EXOC6B: variants seen among roughly 807,000 people sequenced by gnomAD.
The protein encoded by EXOC6B is SEC15 homolog B.
In EXOC6B, 54 loss-of-function variants were observed where a neutral mutation model predicts 113.5. That is an observed-to-expected ratio of 0.48 (90% CI 0.38 to 0.60). The LOEUF is 0.60. Ranked by LOEUF, EXOC6B falls within the 20% of genes least tolerant of loss-of-function variation. The pLI is 0.00. For synonymous variants in EXOC6B, 357 were observed against 339.0 expected, an observed-to-expected ratio of 1.05 and a Z score of -0.58; for missense variants, 797 against 977.5, an observed-to-expected ratio of 0.82 and a Z score of 2.46.
chr2:72,225,513 G>T (rs1405835633), intron 20 of EXOC6B, among the ~76,000 whole-genome samples: 2 of 152,132 alleles, frequency 1.3e-5, no homozygotes, highest in African/African-American at 2.4e-5. Context: ...GGACAGGGAG[G>T]ATCCGAGGCT....
chr2:72,727,890 A>C (rs1680401170), intron 5 of EXOC6B, among the ~76,000 whole-genome samples: 1 of 152,194 alleles, frequency 6.6e-6, no homozygotes, highest in Non-Finnish European at 1.5e-5. Context: ...TCCAAAGTAT[A>C]TAATTCCTAT....
chr2:72,728,469 T>A (rs1428332786), intron 5 of EXOC6B, among the ~76,000 whole-genome samples: 1 of 152,202 alleles, frequency 6.6e-6, no homozygotes, highest in African/African-American at 2.4e-5. Context: ...ATACCAAATG[T>A]CCCTAATAGT....
chr2:72,197,676 C>T (rs958537340), intron 20 of EXOC6B, among the ~76,000 whole-genome samples: 3 of 152,014 alleles, frequency 2.0e-5, no homozygotes, highest in Non-Finnish European at 4.4e-5. Context: ...TGGCCACTGT[C>T]TCAGGTCGGA....
At chr2:72,674,864 T>C (rs952969834) in intron 6 of EXOC6B, among the ~76,000 whole-genome samples, 1 of 151,992 alleles carries the variant, frequency 6.6e-6, no homozygotes, top group African/African-American at 2.4e-5. Flanking sequence ...AACAGATAAA[T>C]AGTGATTATC....
chr2:72,685,832 T>A (rs966496953), intron 6 of EXOC6B, among the ~76,000 whole-genome samples: 12 of 152,226 alleles, frequency 7.9e-5, no homozygotes, highest in African/African-American at 2.9e-4. Context: ...CATGTTTTGC[T>A]TTTTGAGACA....
intron 1 of EXOC6B, among the ~76,000 whole-genome samples, 160 bp from the exon 2 acceptor site, chr2:72,741,629 G>C (rs544522197): frequency 6.6e-6 from 1 of 152,064 alleles, no homozygotes; most frequent in African/African-American, 2.4e-5. Context: ...AAGGAAAATC[G>C]AAACTTTTGC....
intron 6 of EXOC6B, among the ~76,000 whole-genome samples, chr2:72,606,468 G>T (rs1558838439): frequency 1.3e-5 from 2 of 151,916 alleles, no homozygotes; most frequent in African/African-American, 4.8e-5. Flanking sequence ...CCAGATATTA[G>T]TGATGGTTCT....
chr2:72,384,508 T>C (rs922056457), intron 18 of EXOC6B, among the ~76,000 whole-genome samples: 1 of 152,080 alleles, frequency 6.6e-6, no homozygotes, highest in African/African-American at 2.4e-5. Flanking sequence ...GTTCTGGAAG[T>C]GCTAGTCACG....
At chr2:72,651,616 C>T (rs1245212608) in intron 6 of EXOC6B, among the ~76,000 whole-genome samples, 1 of 152,170 alleles carries the variant, frequency 6.6e-6, no homozygotes, top group Admixed American at 6.5e-5. Flanking sequence ...CTAAGTAACA[C>T]TTTGTGACTG....
At chr2:72,401,552 T>C (rs1245095622) in intron 18 of EXOC6B, among the ~76,000 whole-genome samples, 1 of 36,044 alleles carries the variant, frequency 2.8e-5, no homozygotes, top group African/African-American at 3.5e-4. Flanking sequence ...TATGTGTATA[T>C]ATATATATAT....
intron 20 of EXOC6B, among the ~76,000 whole-genome samples, chr2:72,326,630 A>G (rs1273536330): frequency 6.6e-6 from 1 of 152,044 alleles, no homozygotes; most frequent in African/African-American, 2.4e-5. Flanking sequence ...CGTCCACATC[A>G]AAAGTTACAG....
intron 20 of EXOC6B, among the ~76,000 whole-genome samples, chr2:72,228,688 C>T (rs1681417026): frequency 6.6e-6 from 1 of 152,108 alleles, no homozygotes; most frequent in African/African-American, 2.4e-5. Flanking sequence ...GGCTTGGTTC[C>T]AAGTCTTTGC....
chr2:72,773,183 G>A (rs1157241016), intron 1 of EXOC6B, among the ~76,000 whole-genome samples: 3 of 134,618 alleles, frequency 2.2e-5, no homozygotes, highest in African/African-American at 8.8e-5. Context: ...CTGGAGTGCA[G>A]TGGTGCAATC....
chr2:72,241,918 A>G (rs1179359128), intron 20 of EXOC6B, among the ~76,000 whole-genome samples: 1 of 152,170 alleles, frequency 6.6e-6, no homozygotes, highest in African/African-American at 2.4e-5. Flanking sequence ...ATCTAAAGAA[A>G]GAGCCTGGCC....
At chr2:72,731,473 GA>G (rs1205075859) in intron 3 of EXOC6B, among the ~76,000 whole-genome samples, 1 of 152,162 alleles carries the variant, frequency 6.6e-6, no homozygotes, top group African/African-American at 2.4e-5. Flanking sequence ...TAGGTAAAAT[GA>G]AGTCCTAAAA....
intron 6 of EXOC6B, among the ~76,000 whole-genome samples, chr2:72,596,010 A>G (rs1200081749): frequency 1.3e-5 from 2 of 152,188 alleles, no homozygotes; most frequent in Non-Finnish European, 2.9e-5. Flanking sequence ...GTGGTGGAAA[A>G]AAGAAAAGGA....
rs554657726 is a variant in EXOC6B at position 72,176,078 on chromosome 2, G to C, written c.*3257C>G. On this transcript the variant is annotated 3_prime_UTR_variant, in exon 22 of 22. Transcript: ENST00000272427. ...ATAAACATGCTCTTTTCACAGAGGA[G>C]CTTTCCCCTAACCATGCGGCCCATC... 1 of 152,328 alleles carries C rather than the reference G, an allele frequency of 6.6e-6. No individual in the cohort carries two copies. The highest frequency in any genetic ancestry group is 2.1e-4 in the South Asian group (1 of 4,824). The allele number at this position is 152,328 out of a possible 1,614,324, so 9.4% of individuals were successfully genotyped here.
chr2:72,576,396 T>G (rs1000609021), intron 6 of EXOC6B, among the ~76,000 whole-genome samples: 1 of 151,896 alleles, frequency 6.6e-6, no homozygotes, highest in African/African-American at 2.4e-5. Flanking sequence ...TACAGAGAAG[T>G]AGAAAGTGGG....
chr2:72,357,757 T>C (rs598547), intron 19 of EXOC6B, among the ~76,000 whole-genome samples: 19,176 of 151,924 alleles, frequency 0.13, 1,400 homozygotes, highest in African/African-American at 0.2. Context: ...GCCATTGTAA[T>C]GTCATAGTGC....
Sources: gnomAD v4.1 joint callset for allele counts (sites outside exome capture counted in the v4.1 genomes callset) on GRCh38, gnomAD v4.1.1 for gene constraint, MANE v1.5 for transcripts, NCBI Gene and HGNC (gene_info 2026-07-23, HGNC 2026-07-21) for gene names.